MEOX2: variants seen among roughly 807,000 people sequenced by gnomAD.
MEOX2 encodes the protein homeobox protein MOX-2.
Under a neutral mutation model 27.0 loss-of-function variants are expected in MEOX2, and 11 were observed. The observed-to-expected ratio is 0.41, with a 90% CI of 0.26 to 0.68. The LOEUF is 0.68. MEOX2 is among the 30% of genes least tolerant of loss of function. The probability of loss-of-function intolerance (pLI) is 0.33; values close to 1 mark genes in which losing one functional copy is unlikely to be tolerated. For missense variants in MEOX2, 436 were observed against 385.4 expected, an observed-to-expected ratio of 1.13 and a Z score of -1.10; for synonymous variants, 189 against 155.4, an observed-to-expected ratio of 1.22 and a Z score of -1.61.
intron 1 of MEOX2, among the ~76,000 whole-genome samples, chr7:15,664,406 T>G (rs1781966053): frequency 6.6e-6 from 1 of 152,114 alleles, no homozygotes; most frequent in Non-Finnish European, 1.5e-5. Context: ...ACTTTGGAGG[T>G]ACTCATTTAT....
At chr7:15,635,923 C>A (rs1025578585) in intron 1 of MEOX2, among the ~76,000 whole-genome samples, 1 of 151,924 alleles carries the variant, frequency 6.6e-6, no homozygotes, top group Non-Finnish European at 1.5e-5. Flanking sequence ...ATTTCCTCTG[C>A]AAGTTTTATT....
intron 1 of MEOX2, among the ~76,000 whole-genome samples, chr7:15,663,585 C>CAAAAA (rs1781950252): frequency 6.6e-6 from 1 of 152,090 alleles, no homozygotes; most frequent in Admixed American, 6.6e-5. Context: ...GTGATCCACT[C>CAAAAA]ACCTTGGACT....
chr7:15,660,565 C>T (rs531486331), intron 1 of MEOX2, among the ~76,000 whole-genome samples: 5 of 152,192 alleles, frequency 3.3e-5, no homozygotes, highest in African/African-American at 1.2e-4. Context: ...GAACTATTCC[C>T]GCCTCCGACT....
At chr7:15,643,684 C>T (rs1251102812) in intron 1 of MEOX2, among the ~76,000 whole-genome samples, 1 of 152,230 alleles carries the variant, frequency 6.6e-6, no homozygotes, top group Non-Finnish European at 1.5e-5. Context: ...AGGCCACACA[C>T]CCTTCACATT....
intron 1 of MEOX2, among the ~76,000 whole-genome samples, chr7:15,678,210 C>T (rs1398901519): frequency 6.6e-6 from 1 of 152,112 alleles, no homozygotes; most frequent in Admixed American, 6.6e-5. Flanking sequence ...TAAGCATAGC[C>T]TATAGGTGAG....
chr7:15,667,243 A>T (rs928764060), intron 1 of MEOX2, among the ~76,000 whole-genome samples: 9 of 132,440 alleles, frequency 6.8e-5, no homozygotes, highest in African/African-American at 2.5e-4. Context: ...GTGAGCCAAG[A>T]TTGCACCACT....
chr7:15,613,490 C>G (rs1320974949), intron 2 of MEOX2, among the ~76,000 whole-genome samples: 1 of 151,622 alleles, frequency 6.6e-6, no homozygotes, highest in African/African-American at 2.4e-5. Flanking sequence ...AAATCTGTTT[C>G]TTTCACATTG....
Position 15,618,853 on chromosome 7 carries a change from C to T in MEOX2, c.691-6242G>A, listed in dbSNP as rs867626394. On this transcript the variant is annotated intron_variant, in intron 2 of 2. Coordinates refer to ENST00000262041, the MANE Select transcript of MEOX2 (RefSeq NM_005924.5). Reference sequence around the variant, plus strand: ...AAATTATTAGTTCTGTGTGAGTATACACTGACCCATAGAAAAGTCAATAAT... The same window carrying T: ...AAATTATTAGTTCTGTGTGAGTATATACTGACCCATAGAAAAGTCAATAAT... 1.1e-4 allele frequency among the ~76,000 whole-genome samples: 17 copies of T among 151,922 alleles called. No homozygotes were observed. In the South Asian group the frequency reaches 3.5e-3, roughly 32 times the overall value.
chr7:15,631,345 T>C (rs187239870), intron 1 of MEOX2, among the ~76,000 whole-genome samples: 3 of 152,060 alleles, frequency 2.0e-5, no homozygotes, highest in African/African-American at 7.2e-5. Flanking sequence ...GTTTGTCTAA[T>C]ATGCTTTCGG....
intron 1 of MEOX2, among the ~76,000 whole-genome samples, chr7:15,630,214 T>C (rs1781380497): frequency 6.6e-6 from 1 of 152,070 alleles, no homozygotes. Context: ...TCCCTAACCT[T>C]TTGCTCCCTG....
At chr7:15,659,624 G>T (rs903894781) in intron 1 of MEOX2, among the ~76,000 whole-genome samples, 4 of 151,938 alleles carry the variant, frequency 2.6e-5, no homozygotes, top group African/African-American at 9.7e-5. Context: ...GCTGGGCGTG[G>T]TGGCGGACAC....
chr7:15,677,191 A>T (rs1048571016), intron 1 of MEOX2, among the ~76,000 whole-genome samples: 3 of 152,226 alleles, frequency 2.0e-5, no homozygotes, highest in Non-Finnish European at 4.4e-5. Flanking sequence ...CAGGTAGCAT[A>T]AAATAGATTA....
At chr7:15,651,314 T>C (rs1249494282) in intron 1 of MEOX2, among the ~76,000 whole-genome samples, 2 of 152,048 alleles carry the variant, frequency 1.3e-5, no homozygotes, top group Non-Finnish European at 2.9e-5. Flanking sequence ...TATCCAGTAT[T>C]GTCGCATTGT....
intron 1 of MEOX2, among the ~76,000 whole-genome samples, chr7:15,632,961 G>A (rs1048316375): frequency 6.6e-6 from 1 of 151,908 alleles, no homozygotes; most frequent in African/African-American, 2.4e-5. Flanking sequence ...CCTACAGTGG[G>A]ACTAAAGGCC....
rs539849923 is a variant in MEOX2, at chr7:15,618,991, A to C, written c.691-6380T>G. On this transcript the variant is annotated intron_variant, in intron 2 of 2. Coordinates refer to ENST00000262041, the MANE Select transcript of MEOX2 (RefSeq NM_005924.5). ...CTATTCTAAACTGAATGCATCTCTG[A>C]GTTTTTCATGAGGAGACATAGAAAT... 2.0e-4 allele frequency among the ~76,000 whole-genome samples: 30 copies of C among 152,128 alleles called. No homozygotes were observed. The South Asian group carries it at 6.2e-3, about 32-fold the overall frequency.
At chr7:15,619,393 A>T (rs1292250127) in intron 2 of MEOX2, among the ~76,000 whole-genome samples, 8 of 151,996 alleles carry the variant, frequency 5.3e-5, no homozygotes, top group Non-Finnish European at 1.2e-4. Context: ...ATTATTGTTA[A>T]TTTGTTGATT....
At chr7:15,648,375 T>C (rs10270030) in intron 1 of MEOX2, among the ~76,000 whole-genome samples, 43,639 of 151,982 alleles carry the variant, frequency 0.29, 6,815 homozygotes, top group Non-Finnish European at 0.35. Context: ...AAAAATAATT[T>C]TATGCCGGTG....
chr7:15,682,575 A>T (rs1782310195), intron 1 of MEOX2, among the ~76,000 whole-genome samples: 2 of 151,910 alleles, frequency 1.3e-5, no homozygotes, highest in South Asian at 4.1e-4. Context: ...TTTATAAAAT[A>T]TGTATCATAA....
chr7:15,674,626 A>C (rs1442632449), intron 1 of MEOX2, among the ~76,000 whole-genome samples: 1 of 151,910 alleles, frequency 6.6e-6, no homozygotes, highest in Non-Finnish European at 1.5e-5. Context: ...CAAAAGGAAA[A>C]AAGTTATGGA....
Sources: allele counts gnomAD v4.1 joint callset (sites outside exome capture counted in the v4.1 genomes callset), GRCh38; gene constraint gnomAD v4.1.1; transcripts MANE v1.5; gene names NCBI Gene and HGNC (gene_info 2026-07-23, HGNC 2026-07-21).